PTPRS: variants seen among roughly 807,000 people sequenced by gnomAD.
The protein encoded by PTPRS is receptor-type tyrosine-protein phosphatase S.
Under a neutral mutation model 215.3 loss-of-function variants are expected in PTPRS, and 63 were observed. The observed-to-expected ratio is 0.29, with a 90% CI of 0.24 to 0.36. The LOEUF is 0.36. Among genes scored for constraint, PTPRS ranks in the 10% least tolerant of loss-of-function variants. The pLI, the probability that PTPRS is intolerant of heterozygous loss-of-function variation, is 1.00. For missense variants in PTPRS, 2,258 were observed against 2,825.8 expected, an observed-to-expected ratio of 0.80 and a Z score of 4.56; for synonymous variants, 1,404 against 1,191.4, an observed-to-expected ratio of 1.18 and a Z score of -3.68.
intron 12 of PTPRS, among the ~76,000 whole-genome samples, chr19:5,239,891 G>A (rs894700514): frequency 3.9e-5 from 6 of 152,116 alleles, no homozygotes; most frequent in Non-Finnish European, 5.9e-5. Context: ...GAGAGTGAGC[G>A]TCAGAGGCAC....
At chr19:5,264,887 C>T (rs1303044948) in intron 5 of PTPRS, 121 bp downstream of exon 5, 2 of 1,192,668 alleles carry the variant, frequency 1.7e-6, no homozygotes, top group African/African-American at 1.5e-5. Context: ...CCAACGCCTG[C>T]CACGGCCACA....
rs10527451 is a variant in PTPRS, at chr19:5,272,595, CAAAAAAAAAAAAAAAAAAAAA to C, written c.379+826_379+846del. 2.5e-4 allele frequency among the ~76,000 whole-genome samples: 18 copies of C among 73,446 alleles called. No individual in the cohort carries two copies. In the South Asian group the frequency reaches 2.5e-3, roughly 10 times the overall value. 48.2% of individuals were successfully genotyped at this position (73,446 alleles called of 152,430 possible). On this transcript the variant is annotated intron_variant, in intron 4 of 37. Coordinates refer to ENST00000262963, the MANE Select transcript of PTPRS (RefSeq NM_002850.4). Reference sequence around the variant, plus strand: ...CCAGCGCAACAAAGCAAGACTGTCTCAAAAAAAAAAAAAAAAAAAAAAAAAAAAAAAAAAAAAAAAAAGAAT... The same window carrying C: ...CCAGCGCAACAAAGCAAGACTGTCTCAAAAAAAAAAAAAAAAAAAAAGAAT...
intron 2 of PTPRS, among the ~76,000 whole-genome samples, chr19:5,276,722 T>A (rs1003082449): frequency 6.6e-6 from 1 of 151,704 alleles, no homozygotes; most frequent in African/African-American, 2.4e-5. Flanking sequence ...TTTGTATTTT[T>A]AGTAGAGATG....
At chr19:5,213,961 G>A (rs986263552) in intron 30 of PTPRS, among the ~76,000 whole-genome samples, 56 of 152,326 alleles carry the variant, frequency 3.7e-4, no homozygotes, top group African/African-American at 1.3e-3. Context: ...GACTTTGCAG[G>A]GCTGCCAATA....
chr19:5,246,077 G>T, intron 9 of PTPRS, 32 bp from the exon 10 acceptor site: 1 of 1,228,760 alleles, frequency 8.1e-7, no homozygotes, highest in Non-Finnish European at 1.1e-6. Flanking sequence ...CGGCGGGAGG[G>T]AGATGCGAGG....
intron 36 of PTPRS, 39 bp downstream of exon 36, chr19:5,208,198 C>T: frequency 6.4e-7 from 1 of 1,562,664 alleles, no homozygotes; most frequent in Non-Finnish European, 8.7e-7. Flanking sequence ...CTCAGTTTCC[C>T]CAGCAGGGCC....
Position 5,257,959 on chromosome 19 carries a change from G to T in PTPRS, c.706+58C>A. 1.4e-6 allele frequency: 2 copies of T among 1,458,074 alleles called. No individual in the cohort carries two copies. Among genetic ancestry groups the T allele is most frequent in the Non-Finnish European group, 9.5e-7 (1 of 1,053,214 alleles). 90.3% of individuals were successfully genotyped at this position (1,458,074 alleles called of 1,614,324 possible). A position where few individuals can be genotyped will look rare whatever the true frequency, so the allele number is the denominator to read the frequency against. ...AGCCCGGAGGCGGTGAGCCCGAGGA[G>T]GGAGGGGGATGGGACGGGGCGGGTC... On this transcript the variant is annotated intron_variant, in intron 8 of 37. Transcript: ENST00000262963. The surrounding 1 kb of genome is among the most constrained non-coding windows in gnomAD (Gnocchi z 4.4).
chr19:5,331,953 T>A (rs1445204742), intron 1 of PTPRS, among the ~76,000 whole-genome samples: 1 of 152,166 alleles, frequency 6.6e-6, no homozygotes. Flanking sequence ...CAGAGGTGGC[T>A]GGGAGTCTTA....
intron 18 of PTPRS, among the ~76,000 whole-genome samples, 174 bp downstream of exon 18, chr19:5,222,515 G>A (rs541103767): frequency 7.6e-4 from 116 of 151,916 alleles, no homozygotes; most frequent in Non-Finnish European, 9.4e-4. Context: ...TGGTGCCACC[G>A]AGGCACGTCC....
At chr19:5,212,521 T>TCCGGCTCAACCTGCCACC (rs1320951496) in intron 30 of PTPRS, 30 bp from the exon 31 acceptor site, 3 of 1,555,002 alleles carry the variant, frequency 1.9e-6, no homozygotes, top group Non-Finnish European at 2.6e-6. Context: ...CACCTGTCAC[T>TCCGGCTCAACCTGCCACC]CCGGCTCAAC....
At chr19:5,268,001 C>G (rs951371058) in intron 4 of PTPRS, among the ~76,000 whole-genome samples, 1 of 152,080 alleles carries the variant, frequency 6.6e-6, no homozygotes, top group African/African-American at 2.4e-5. Flanking sequence ...AACCCCGTCT[C>G]TACTAAACTA....
chr19:5,297,795 T>TC (rs796732695), intron 1 of PTPRS, among the ~76,000 whole-genome samples: 19 of 124,522 alleles, frequency 1.5e-4, no homozygotes, highest in African/African-American at 5.5e-4. Context: ...TCTTTTCTTT[T>TC]TTTTTTTTTT....
chr19:5,207,728 T>C (rs1301761736), intron 37 of PTPRS, among the ~76,000 whole-genome samples, 194 bp downstream of exon 37: 3 of 152,234 alleles, frequency 2.0e-5, no homozygotes, highest in Non-Finnish European at 2.9e-5. Context: ...CTTCTCGCCT[T>C]TGACCTTCAG....
In PTPRS at chr19:5,212,075, C is replaced by T. The variant is rs139009302; in HGVS notation, c.4945G>A (p.Val1649Met). 757 of 1,614,076 alleles carry T rather than the reference C, an allele frequency of 4.7e-4. No individual in the cohort carries two copies. Among genetic ancestry groups the T allele is most frequent in the Non-Finnish European group, 5.7e-4 (674 of 1,180,058 alleles). ...SFIHEALLEAVGCGNTEVPAR... is the reference protein window; with the variant it reads ...SFIHEALLEAMGCGNTEVPAR... ...GGCACTTCTGTGTTGCCACAGCCCA[C>T]GGCCTCCAGCAGGGCCTCGTGGATG... is the stretch of plus-strand genomic sequence containing the variant. Residue 1649 changes from valine (V) to methionine (M), a missense_variant, in exon 32 of 38, where the codon GTG (valine) becomes ATG (methionine). Val to Met is a conservative substitution (Grantham distance 21). Transcript: ENST00000262963.
chr19:5,211,880 TC>T, intron 32 of PTPRS, 84 bp downstream of exon 32: 1 of 1,562,658 alleles, frequency 6.4e-7, no homozygotes, highest in Non-Finnish European at 8.7e-7. Context: ...CACCTTCTAG[TC>T]CCCATTGCTC....
chr19:5,299,358 G>C (rs1223400309), intron 1 of PTPRS, among the ~76,000 whole-genome samples: 2 of 152,222 alleles, frequency 1.3e-5, no homozygotes, highest in South Asian at 2.1e-4. Context: ...CTGCCTCAGG[G>C]CCTTTGCACA....
Position 5,264,991 on chromosome 19 carries a change from C to T in PTPRS, c.568+17G>A, listed in dbSNP as rs1244499490. ...GCCCTCCAAGGCTCCCACGTCCTGT[C>T]AGCCACCCTCACTCACCTGATCGCA... On this transcript the variant is annotated intron_variant, in intron 5 of 37. Coordinates refer to ENST00000262963, the MANE Select transcript of PTPRS (RefSeq NM_002850.4). The T allele has an allele frequency of 1.2e-6, 2 of 1,612,866 alleles. No homozygotes were observed. The highest frequency in any genetic ancestry group is 2.7e-5 in the African/African-American group (2 of 74,902).
At chr19:5,211,920 G>A in intron 32 of PTPRS, 45 bp downstream of exon 32, 1 of 1,549,972 alleles carries the variant, frequency 6.5e-7, no homozygotes, top group Non-Finnish European at 8.7e-7. Flanking sequence ...GGCTCTTTGG[G>A]CCTCCTCCCC....
intron 35 of PTPRS, among the ~76,000 whole-genome samples, chr19:5,208,732 AAG>A (rs1438296534): frequency 2.0e-5 from 3 of 152,050 alleles, no homozygotes; most frequent in Admixed American, 6.6e-5. Context: ...TGCTTTCCAT[AAG>A]AGATGCTCCA....
Sources: gnomAD v4.1 joint callset for allele counts (sites outside exome capture counted in the v4.1 genomes callset) on GRCh38, gnomAD v4.1.1 for gene constraint, Gnocchi (gnomAD v3.1) non-coding constraint, MANE v1.5 for transcripts, NCBI Gene and HGNC (gene_info 2026-07-23, HGNC 2026-07-21) for gene names.